NTM: variants seen among roughly 807,000 people sequenced by gnomAD.
NTM encodes IgLON family member 2.
A neutral mutation model predicts 42.1 loss-of-function variants in NTM; 13 were observed. The ratio of observed to expected loss-of-function variants is 0.31; its 90% CI spans 0.20 to 0.49. The LOEUF is 0.49. Among genes scored for constraint, NTM ranks in the 20% least tolerant of loss-of-function variants. The pLI is 0.99. For synonymous variants in NTM, 187 were observed against 179.2 expected (o/e 1.04, Z -0.35); for missense variants, 373 against 452.8 (o/e 0.82, Z 1.60).
chr11:132,229,327 C>T (rs2086966797), intron 4 of NTM, among the ~76,000 whole-genome samples: 1 of 152,170 alleles, frequency 6.6e-6, no homozygotes. Context: ...CCCTAACGTG[C>T]AATATGGCCA....
At chr11:131,506,453 G>A (rs1343568717) in intron 1 of NTM, among the ~76,000 whole-genome samples, 1 of 152,184 alleles carries the variant, frequency 6.6e-6, no homozygotes, top group East Asian at 1.9e-4. Context: ...TTTTACAACT[G>A]CCATTCTGCA....
At position 131,370,946 on chromosome 11, in the gene NTM, A is replaced by T. The variant is rs964580049; in HGVS notation, c.82+58A>T. 3 of 1,603,484 alleles carry T rather than the reference A, an allele frequency of 1.9e-6. No individual in the cohort carries two copies. In the South Asian group the frequency reaches 3.4e-5, roughly 18 times the overall value. On this transcript the variant is annotated intron_variant, in intron 1 of 8. Coordinates refer to ENST00000683400, the MANE Select transcript of NTM (RefSeq NM_001352005.2). ...ACCCAGGAATTGTACAGTGTGCTTT[A>T]TAAGATTTGCAGACTCCCCGAGTCG...
chr11:131,951,682 T>A (rs1469754194), intron 2 of NTM, among the ~76,000 whole-genome samples: 1 of 151,688 alleles, frequency 6.6e-6, no homozygotes, highest in South Asian at 2.1e-4. Context: ...ATTAGCCAGG[T>A]GTGGTGGTGT....
At chr11:131,960,266 G>A (rs1021307238) in intron 2 of NTM, among the ~76,000 whole-genome samples, 4 of 152,150 alleles carry the variant, frequency 2.6e-5, no homozygotes. Flanking sequence ...TAAGACCTCC[G>A]TCCATCCAGA....
intron 4 of NTM, among the ~76,000 whole-genome samples, chr11:132,293,080 AG>A (rs2140025663): frequency 6.6e-6 from 1 of 152,286 alleles, no homozygotes; most frequent in African/African-American, 2.4e-5. Flanking sequence ...CTGGACGAGG[AG>A]GTCACAGAGA....
chr11:132,217,598 T>C (rs1396128283), intron 4 of NTM, among the ~76,000 whole-genome samples: 1 of 152,106 alleles, frequency 6.6e-6, no homozygotes, highest in Non-Finnish European at 1.5e-5. Flanking sequence ...GCCCTTGTTC[T>C]GCAAGCCTTT....
chr11:132,269,381 T>C (rs1026251875), intron 4 of NTM, among the ~76,000 whole-genome samples: 2 of 152,190 alleles, frequency 1.3e-5, no homozygotes, highest in Non-Finnish European at 2.9e-5. Flanking sequence ...CAGGATGTCA[T>C]GCTTCCTGGG....
At chr11:131,896,758 A>G (rs1447474732) in intron 1 of NTM, among the ~76,000 whole-genome samples, 5 of 136,100 alleles carry the variant, frequency 3.7e-5, no homozygotes, top group African/African-American at 8.5e-5. Flanking sequence ...GTGTGATCTC[A>G]GCTCACTGCA....
At chr11:131,656,269 G>A (rs116062129) in intron 1 of NTM, among the ~76,000 whole-genome samples, 14 of 152,200 alleles carry the variant, frequency 9.2e-5, no homozygotes, top group African/African-American at 3.1e-4. Flanking sequence ...TCCCAGTTAC[G>A]GGGGTGGCTG....
At chr11:132,197,444 T>G (rs967995587) in intron 3 of NTM, among the ~76,000 whole-genome samples, 1 of 152,120 alleles carries the variant, frequency 6.6e-6, no homozygotes, top group African/African-American at 2.4e-5. Context: ...CCATTTGTCA[T>G]AACCACCCTA....
At chr11:132,314,149 C>CATTTGCATGGTTGTCATCATCACCA (rs1377123400) in intron 6 of NTM, among the ~76,000 whole-genome samples, 12 of 151,864 alleles carry the variant, frequency 7.9e-5, no homozygotes, top group Non-Finnish European at 1.3e-4. Flanking sequence ...TTGAGTTTTT[C>CATTTGCATGGTTGTCATCATCACCA]ATTTGCATGG....
In NTM at chr11:131,388,238, GGTGT is replaced by G. The variant is rs1056469294; in HGVS notation, c.82+17353_82+17356del. ...GCCACCGGGACAGAGGAGGCTTGGT[GGTGT>G]GTAAGCCGTATAAATATGTACATTC... On this transcript the variant is annotated intron_variant, in intron 1 of 8. Transcript: ENST00000683400. Among the ~76,000 whole-genome samples the G allele has an allele frequency of 1.4e-4, 22 of 152,072 alleles. 1 individual carries two copies. Among genetic ancestry groups the G allele is most frequent in the Admixed American group, 1.2e-3 (19 of 15,268 alleles).
chr11:131,564,176 G>T (rs963826439), intron 1 of NTM, among the ~76,000 whole-genome samples: 1 of 152,194 alleles, frequency 6.6e-6, no homozygotes, highest in Non-Finnish European at 1.5e-5. Flanking sequence ...TTTTACTAAG[G>T]GAGGAACTGA....
At chr11:132,290,317 C>T (rs937626945) in intron 4 of NTM, among the ~76,000 whole-genome samples, 1 of 151,876 alleles carries the variant, frequency 6.6e-6, no homozygotes, top group African/African-American at 2.4e-5. Flanking sequence ...AGTGAGCAGA[C>T]ATCTCCCACT....
chr11:131,972,109 A>G (rs1356011760), intron 2 of NTM, among the ~76,000 whole-genome samples: 1 of 150,404 alleles, frequency 6.6e-6, no homozygotes, highest in East Asian at 2.0e-4. Context: ...GCTACTTGGG[A>G]GGCTGAGGCA....
At chr11:131,748,392 G>A (rs866825812) in intron 1 of NTM, among the ~76,000 whole-genome samples, 8 of 152,286 alleles carry the variant, frequency 5.3e-5, no homozygotes, top group Middle Eastern at 6.8e-3. Context: ...CCGCACAGCC[G>A]GCTAACTTGG....
intron 4 of NTM, among the ~76,000 whole-genome samples, chr11:132,236,035 A>G (rs2088811877): frequency 6.6e-6 from 1 of 151,950 alleles, no homozygotes; most frequent in Non-Finnish European, 1.5e-5. Flanking sequence ...AAAATTGTAT[A>G]ACTCGCTTAA....
intron 1 of NTM, among the ~76,000 whole-genome samples, chr11:131,838,835 A>G (rs1283482688): frequency 6.6e-6 from 1 of 152,218 alleles, no homozygotes; most frequent in Admixed American, 6.5e-5. Flanking sequence ...TCTACTGTGT[A>G]CCAGGTATTC....
At chr11:132,293,388 C>T (rs1182052497) in intron 4 of NTM, among the ~76,000 whole-genome samples, 4 of 152,240 alleles carry the variant, frequency 2.6e-5, no homozygotes, top group East Asian at 3.9e-4. Flanking sequence ...AGCCCATGTC[C>T]CCGCCTGAGT....
Sources: allele counts gnomAD v4.1 joint callset (sites outside exome capture counted in the v4.1 genomes callset), GRCh38; gene constraint gnomAD v4.1.1; transcripts MANE v1.5; gene names NCBI Gene and HGNC (gene_info 2026-07-23, HGNC 2026-07-21).